Variants in GSK3B observed in about 807,000 individuals in gnomAD.
GSK3B encodes the protein glycogen synthase kinase-3 beta.
GSK3B carries 15 observed loss-of-function variants against 56.4 expected under a neutral mutation model. That is an observed-to-expected ratio of 0.27 (90% CI 0.18 to 0.41). GSK3B has a LOEUF of 0.41. GSK3B is among the 10% of genes least tolerant of loss of function. The pLI, the probability that GSK3B is intolerant of heterozygous loss-of-function variation, is 1.00. For synonymous variants in GSK3B, 181 were observed against 188.9 expected (o/e 0.96, Z 0.34); for missense variants, 300 against 513.4 (o/e 0.58, Z 4.02).
In GSK3B at chr3:119,947,286, G is replaced by A. The variant is rs1559848359; in HGVS notation, c.348C>T (p.Phe116=). 6.3e-7 allele frequency: 1 copy of A among 1,588,778 alleles called. No individual in the cohort carries two copies. Among genetic ancestry groups the A allele is most frequent in the East Asian group, 2.2e-5 (1 of 44,732 alleles). Residue 116 remains phenylalanine (F), a synonymous_variant, in exon 3 of 11, where the codon TTC becomes TTT. Transcript: ENST00000264235. ...AACCTACCTTCTCACCACTGGAGTAGAAGAAATAACGCAATCGGACTATGT... is the reference window on the plus strand; with the variant it reads ...AACCTACCTTCTCACCACTGGAGTAAAAGAAATAACGCAATCGGACTATGT... ...HCNIVRLRYF[F]YSSGEKKDEV...
chr3:119,978,471 C>T (rs942445182), intron 2 of GSK3B, among the ~76,000 whole-genome samples: 15 of 152,152 alleles, frequency 9.9e-5, no homozygotes, highest in African/African-American at 3.1e-4. Flanking sequence ...AACTGCCAGC[C>T]GCGTTTTGTG....
At chr3:119,863,290 CT>C in intron 9 of GSK3B, 128 bp downstream of exon 9, 1 of 736,790 alleles carries the variant, frequency 1.4e-6, no homozygotes, top group Non-Finnish European at 2.4e-6. Flanking sequence ...AAAGGATGCT[CT>C]TTTCACCTAC....
intron 3 of GSK3B, among the ~76,000 whole-genome samples, chr3:119,930,942 A>G (rs79302067): frequency 0.026 from 3,943 of 152,356 alleles, 175 homozygotes; most frequent in African/African-American, 0.089. Flanking sequence ...CATGTCTGCT[A>G]TAGGCTGAAC....
intron 7 of GSK3B, among the ~76,000 whole-genome samples, chr3:119,894,029 G>A (rs1283310403): frequency 6.6e-6 from 1 of 151,962 alleles, no homozygotes; most frequent in Non-Finnish European, 1.5e-5. Context: ...CTGTATCCAT[G>A]AGCCATCATT....
intron 9 of GSK3B, among the ~76,000 whole-genome samples, chr3:119,847,075 G>A (rs1211981969): frequency 1.3e-5 from 2 of 152,106 alleles, no homozygotes; most frequent in African/African-American, 2.4e-5. Context: ...CTCGTAAGTG[G>A]GAGTTGAACA....
chr3:119,964,508 T>C (rs900837072), intron 2 of GSK3B, among the ~76,000 whole-genome samples: 1 of 152,116 alleles, frequency 6.6e-6, no homozygotes, highest in African/African-American at 2.4e-5. Flanking sequence ...CAAAATAAGT[T>C]AGTCACAGAA....
intron 7 of GSK3B, among the ~76,000 whole-genome samples, chr3:119,888,375 G>A (rs149400904): frequency 9.0e-4 from 137 of 152,198 alleles, no homozygotes; most frequent in African/African-American, 3.2e-3. Context: ...TCTTAAGCCT[G>A]TCTTTACTTC....
intron 6 of GSK3B, among the ~76,000 whole-genome samples, chr3:119,908,564 A>G (rs1482184592): frequency 6.6e-6 from 1 of 152,204 alleles, no homozygotes; most frequent in Non-Finnish European, 1.5e-5. Flanking sequence ...GTCGACCACA[A>G]GCAAAATATT....
chr3:119,968,986 A>C (rs926140449), intron 2 of GSK3B, among the ~76,000 whole-genome samples: 1 of 152,158 alleles, frequency 6.6e-6, no homozygotes, highest in Non-Finnish European at 1.5e-5. Flanking sequence ...ATCTAACAAA[A>C]TATGTACAAG....
chr3:120,007,376 T>C (rs747766302), intron 1 of GSK3B, among the ~76,000 whole-genome samples: 1 of 151,736 alleles, frequency 6.6e-6, no homozygotes, highest in African/African-American at 2.4e-5. Context: ...TTCCAATCAA[T>C]AGAAAAAAGG....
At position 120,093,861 on chromosome 3, in the gene GSK3B, C is replaced by T. The variant is rs2058537080; in HGVS notation, c.-427G>A. 4.6e-6 allele frequency: 1 copy of T among 216,672 alleles called. No homozygotes were observed. Among genetic ancestry groups the T allele is most frequent in the Non-Finnish European group, 9.3e-6 (1 of 108,084 alleles). 13.4% of individuals were successfully genotyped at this position (216,672 alleles called of 1,614,324 possible). ...TGAAGAAGGGAAGCGGCGGAAGGATCACGAGTCTCACGCTTGAAGAGAAAG... is the reference window on the plus strand; with the variant it reads ...TGAAGAAGGGAAGCGGCGGAAGGATTACGAGTCTCACGCTTGAAGAGAAAG... On this transcript the variant is annotated 5_prime_UTR_variant, in exon 1 of 11. Coordinates refer to ENST00000264235, the MANE Select transcript of GSK3B (RefSeq NM_001146156.2).
intron 2 of GSK3B, among the ~76,000 whole-genome samples, chr3:119,974,738 T>C (rs998256214): frequency 1.3e-5 from 2 of 152,198 alleles, no homozygotes; most frequent in African/African-American, 2.4e-5. Flanking sequence ...TTCAACATCA[T>C]ATGTCATCAG....
chr3:119,846,731 T>C (rs1259627588), intron 9 of GSK3B, among the ~76,000 whole-genome samples: 1 of 152,198 alleles, frequency 6.6e-6, no homozygotes, highest in Non-Finnish European at 1.5e-5. Context: ...AGTGTGGCAA[T>C]TCCTCAAGGA....
intron 4 of GSK3B, among the ~76,000 whole-genome samples, chr3:119,919,113 A>G (rs927180677): frequency 3.3e-5 from 5 of 152,194 alleles, no homozygotes; most frequent in South Asian, 2.1e-4. Flanking sequence ...AACCTACTTA[A>G]GTTCTGAAAT....
At chr3:119,856,471 C>T (rs780442212) in intron 9 of GSK3B, among the ~76,000 whole-genome samples, 4 of 152,204 alleles carry the variant, frequency 2.6e-5, no homozygotes, top group Non-Finnish European at 5.9e-5. Flanking sequence ...CAGGGTGGAC[C>T]AAATAATCTC....
chr3:119,822,435 G>GAA lies in GSK3B; in HGVS notation c.*4351_*4352dup. On this transcript the variant is annotated 3_prime_UTR_variant, in exon 11 of 11. Transcript: ENST00000264235. Reference sequence around the variant, plus strand: ...CTGCCTGTAGACAGATATAGTTAAGGAAAAAAAAACTTAAAAATTAACACA... The same window carrying GAA: ...CTGCCTGTAGACAGATATAGTTAAGGAAAAAAAAAAACTTAAAAATTAACACA... 9.2e-6 allele frequency: 2 copies of GAA among 216,782 alleles called. No individual in the cohort carries two copies. The highest frequency in any genetic ancestry group is 1.8e-5 in the Non-Finnish European group (2 of 108,550). The allele number at this position is 216,782 out of a possible 1,614,324, so 13.4% of individuals were successfully genotyped here.
intron 10 of GSK3B, among the ~76,000 whole-genome samples, chr3:119,830,715 C>G (rs1019400324): frequency 6.6e-6 from 1 of 152,176 alleles, no homozygotes; most frequent in African/African-American, 2.4e-5. Context: ...TTTCTTAAAA[C>G]TAAACCAACT....
chr3:120,001,653 A>T (rs1315331528), intron 2 of GSK3B, among the ~76,000 whole-genome samples: 1 of 152,218 alleles, frequency 6.6e-6, no homozygotes, highest in South Asian at 2.1e-4. Flanking sequence ...GGATTAAAAA[A>T]ATTTTTTGAA....
intron 3 of GSK3B, among the ~76,000 whole-genome samples, chr3:119,927,607 TAATG>T (rs1329206464): frequency 2.6e-5 from 4 of 152,162 alleles, no homozygotes; most frequent in Non-Finnish European, 5.9e-5. Context: ...AACTTTTACT[TAATG>T]AATCTCAGAA....
Sources: gnomAD v4.1 joint callset for allele counts (sites outside exome capture counted in the v4.1 genomes callset) on GRCh38, gnomAD v4.1.1 for gene constraint, MANE v1.5 for transcripts, NCBI Gene and HGNC (gene_info 2026-07-23, HGNC 2026-07-21) for gene names.